GABRB1: variants seen among roughly 807,000 people sequenced by gnomAD.
GABRB1 encodes gamma-aminobutyric acid receptor subunit beta-1.
A neutral mutation model predicts 51.6 loss-of-function variants in GABRB1; 17 were observed. That is an observed-to-expected ratio of 0.33 (90% CI 0.23 to 0.49). GABRB1 has a LOEUF of 0.49. Among genes scored for constraint, GABRB1 ranks in the 20% least tolerant of loss-of-function variants. The pLI is 0.99. For synonymous variants in GABRB1, 247 were observed against 218.9 expected (o/e 1.13, Z -1.14); for missense variants, 410 against 600.6 (o/e 0.68, Z 3.32).
upstream of GABRB1, among the ~76,000 whole-genome samples, chr4:47,030,621 G>A (rs1279933982): frequency 6.6e-6 from 1 of 152,028 alleles, no homozygotes; most frequent in Non-Finnish European, 1.5e-5. Context: ...CCTAGTCCAG[G>A]GCCTTCTGCC....
At chr4:47,401,823 GCTATCTATCTATCTATCATCTATCTAT>G (rs903080554) in intron 5 of GABRB1, among the ~76,000 whole-genome samples, 2 of 36,988 alleles carry the variant, frequency 5.4e-5, no homozygotes, top group East Asian at 2.8e-4. Context: ...TATCTATCTA[GCTATCTATCTATCTATCATCTATCTAT>G]CTATCTATCT....
intron 4 of GABRB1, among the ~76,000 whole-genome samples, chr4:47,219,046 T>G (rs559307458): frequency 2.3e-4 from 35 of 151,938 alleles, no homozygotes; most frequent in Non-Finnish European, 4.7e-4. Flanking sequence ...ATGAGATGTA[T>G]GGTCTCTGGA....
intron 4 of GABRB1, among the ~76,000 whole-genome samples, chr4:47,215,072 TG>T (rs1720501149): frequency 6.6e-6 from 1 of 152,124 alleles, no homozygotes; most frequent in Non-Finnish European, 1.5e-5. Flanking sequence ...TACTGCTCAA[TG>T]GTATTTAACC....
At chr4:47,027,846 A>T (rs953426842), upstream of GABRB1, among the ~76,000 whole-genome samples, 4 of 151,798 alleles carry the variant, frequency 2.6e-5, no homozygotes, top group South Asian at 8.3e-4. Context: ...ATAAAATTAT[A>T]TCATATTAGG....
intron 4 of GABRB1, among the ~76,000 whole-genome samples, chr4:47,269,231 A>G (rs1186790937): frequency 6.6e-6 from 1 of 152,222 alleles, no homozygotes; most frequent in African/African-American, 2.4e-5. Context: ...CAGAAGAAAT[A>G]TAATTCTGCT....
In GABRB1 at chr4:47,240,160, T is replaced by C. The variant is rs180776815; in HGVS notation, c.461+78691T>C. Among the ~76,000 whole-genome samples, 199 of 152,302 alleles carry C rather than the reference T, an allele frequency of 1.3e-3. 1 individual carries two copies. The highest frequency in any genetic ancestry group is 4.6e-3 in the African/African-American group (190 of 41,578). ...TGATTATTTATTATTTGGGATGACT[T>C]TTCCCATTTTTGCAGACAGCTACTT... On this transcript the variant is annotated intron_variant, in intron 4 of 8. Coordinates refer to ENST00000295454, the MANE Select transcript of GABRB1 (RefSeq NM_000812.4).
chr4:47,407,015 A>T, intron 8 of GABRB1, 89 bp downstream of exon 8: 1 of 1,252,188 alleles, frequency 8.0e-7, no homozygotes, highest in South Asian at 1.5e-5. Flanking sequence ...AACGATTAAT[A>T]AAAAAATAGT....
At chr4:47,295,251 G>A (rs1337219356) in intron 4 of GABRB1, among the ~76,000 whole-genome samples, 1 of 152,218 alleles carries the variant, frequency 6.6e-6, no homozygotes, top group African/African-American at 2.4e-5. Flanking sequence ...GAACAAAGCT[G>A]GATGGAGAAT....
At chr4:47,254,536 G>T (rs998913969) in intron 4 of GABRB1, among the ~76,000 whole-genome samples, 2 of 150,568 alleles carry the variant, frequency 1.3e-5, no homozygotes, top group Non-Finnish European at 3.0e-5. Context: ...CGGCTGATTT[G>T]TGTGTGTGTG....
upstream of GABRB1, among the ~76,000 whole-genome samples, chr4:47,027,506 T>C (rs779309204): frequency 2.0e-5 from 3 of 151,636 alleles, no homozygotes; most frequent in Non-Finnish European, 3.0e-5. Flanking sequence ...ATAGCTAAAG[T>C]ATATTAAATA....
chr4:47,186,217 G>T (rs190160166), intron 4 of GABRB1, among the ~76,000 whole-genome samples: 17 of 150,904 alleles, frequency 1.1e-4, no homozygotes, highest in Non-Finnish European at 5.9e-5. Flanking sequence ...ATGAATTGGT[G>T]GGGGGGCGGG....
At chr4:47,165,593 T>C (rs1259689526) in intron 4 of GABRB1, among the ~76,000 whole-genome samples, 2 of 152,156 alleles carry the variant, frequency 1.3e-5, no homozygotes, top group Non-Finnish European at 2.9e-5. Flanking sequence ...TTTTAAATTA[T>C]TCTTGTTCTT....
chr4:47,117,782 A>G (rs1715570755), intron 3 of GABRB1, among the ~76,000 whole-genome samples: 1 of 152,240 alleles, frequency 6.6e-6, no homozygotes, highest in Non-Finnish European at 1.5e-5. Flanking sequence ...AAATTTGTTT[A>G]GACTGCATTA....
At chr4:47,126,793 T>C (rs926344556) in intron 3 of GABRB1, among the ~76,000 whole-genome samples, 2 of 152,042 alleles carry the variant, frequency 1.3e-5, no homozygotes, top group Admixed American at 6.6e-5. Context: ...AAGGTTGAAC[T>C]AATGACTATG....
chr4:47,114,908 C>T (rs1008338023), intron 3 of GABRB1, among the ~76,000 whole-genome samples: 4 of 152,128 alleles, frequency 2.6e-5, no homozygotes, highest in African/African-American at 9.7e-5. Context: ...AAACTGTCTC[C>T]AGCTTCAGGT....
chr4:47,315,801 G>T (rs1724862704), intron 4 of GABRB1, among the ~76,000 whole-genome samples: 1 of 151,860 alleles, frequency 6.6e-6, no homozygotes, highest in African/African-American at 2.4e-5. Context: ...AACACCACAT[G>T]TTCTCACTTA....
At chr4:47,069,023 C>G (rs1727201873) in intron 3 of GABRB1, among the ~76,000 whole-genome samples, 1 of 152,152 alleles carries the variant, frequency 6.6e-6, no homozygotes, top group South Asian at 2.1e-4. Flanking sequence ...CCAAACTAAT[C>G]TCATCTCATC....
intron 1 of GABRB1, among the ~76,000 whole-genome samples, chr4:47,002,133 C>G (rs894654200): frequency 5.3e-5 from 8 of 152,120 alleles, no homozygotes; most frequent in East Asian, 1.9e-4. Flanking sequence ...TGCATTCTCA[C>G]TATAGAGATT....
intron 4 of GABRB1, among the ~76,000 whole-genome samples, chr4:47,253,238 G>A (rs373044008): frequency 2.6e-5 from 4 of 152,172 alleles, no homozygotes; most frequent in East Asian, 1.9e-4. Context: ...TTACCGTTAG[G>A]CATTTGAAGA....
Sources: allele counts gnomAD v4.1 joint callset (sites outside exome capture counted in the v4.1 genomes callset), GRCh38; gene constraint gnomAD v4.1.1; transcripts MANE v1.5; gene names NCBI Gene and HGNC (gene_info 2026-07-23, HGNC 2026-07-21).